The following DOCK1 variants were observed in gnomAD, a reference collection of about 807,000 sequenced individuals.
The protein encoded by DOCK1 is dedicator of cytokinesis protein 1.
In DOCK1, 138 loss-of-function variants were observed where a neutral mutation model predicts 262.7. The observed-to-expected ratio is 0.53, with a 90% CI of 0.46 to 0.61. DOCK1 has a LOEUF of 0.61. DOCK1 is among the 20% of genes least tolerant of loss of function. The pLI is 0.00. For synonymous variants in DOCK1, 866 were observed against 867.4 expected (o/e 1.00, Z 0.03); for missense variants, 1,908 against 2,370.7 (o/e 0.80, Z 4.05).
At position 127,046,757 on chromosome 10, in the gene DOCK1, C is replaced by CAAA. The variant is rs5788823; in HGVS notation, c.2201+3614_2201+3616dup. Among the ~76,000 whole-genome samples, 549 of 73,312 alleles carry CAAA rather than the reference C, an allele frequency of 7.5e-3. 14 individuals are homozygous for CAAA. Among genetic ancestry groups the CAAA allele is most frequent in the African/African-American group, 0.027 (490 of 18,256 alleles). The allele number at this position is 73,312 out of a possible 152,430, so 48.1% of individuals were successfully genotyped here. A position where few individuals can be genotyped will look rare whatever the true frequency, so the allele number is the denominator to read the frequency against. ...GCCTGGGCAGAGCGACACTACGTCT[C>CAAA]AAAAAAAAAAAAAAAAAAAAAAAGA... On this transcript the variant is annotated intron_variant, in intron 21 of 51. Transcript: ENST00000623213.
intron 38 of DOCK1, among the ~76,000 whole-genome samples, chr10:127,395,353 G>A (rs528902822): frequency 1.9e-4 from 29 of 152,218 alleles, no homozygotes; most frequent in Non-Finnish European, 3.7e-4. Flanking sequence ...GTGTGGCGGC[G>A]CTCTTCCGGG....
At chr10:127,049,427 A>G (rs2044565142) in intron 21 of DOCK1, among the ~76,000 whole-genome samples, 1 of 152,124 alleles carries the variant, frequency 6.6e-6, no homozygotes, top group Admixed American at 6.6e-5. Flanking sequence ...AGGCTGAGGC[A>G]GTAGAATCTC....
intron 27 of DOCK1, among the ~76,000 whole-genome samples, chr10:127,143,396 T>C (rs1376907174): frequency 1.3e-5 from 2 of 152,194 alleles, no homozygotes; most frequent in African/African-American, 4.8e-5. Context: ...GTGCTAACCG[T>C]GGCTCTGTGC....
intron 1 of DOCK1, among the ~76,000 whole-genome samples, chr10:126,918,045 A>G (rs1289529855): frequency 2.6e-5 from 4 of 152,148 alleles, no homozygotes; most frequent in Non-Finnish European, 2.9e-5. Flanking sequence ...GCTGCCTGCA[A>G]AGTGACCTGC....
chr10:126,944,528 A>T (rs1047456382), intron 1 of DOCK1, among the ~76,000 whole-genome samples: 1 of 152,122 alleles, frequency 6.6e-6, no homozygotes, highest in African/African-American at 2.4e-5. Context: ...AGTGAGGAGA[A>T]GCTGAGGAGC....
rs762625669 is a variant in DOCK1 at position 127,127,737 on chromosome 10, T to C, written c.2820T>C (p.Ile940=). The C allele has an allele frequency of 3.1e-6, 5 of 1,613,250 alleles. No homozygotes were observed. In the East Asian group the frequency reaches 8.9e-5, roughly 29 times the overall value. ...KLLRTVNRTV[I]SMGRDSELIG... ...TCCGGACCGTGAACCGAACCGTCAT[T>C]TCCATGGGACGAGATTCTGAACTCA... The change falls in exon 27 of 52, where the codon ATT becomes ATC. Residue 940 remains isoleucine (I), a synonymous_variant. Transcript: ENST00000623213.
chr10:127,135,116 C>A (rs756475365), intron 27 of DOCK1, among the ~76,000 whole-genome samples: 1 of 152,192 alleles, frequency 6.6e-6, no homozygotes, highest in Non-Finnish European at 1.5e-5. Flanking sequence ...TTAGCCATTT[C>A]TTCTGAGGTT....
rs2070385458 is a variant in DOCK1, at chr10:127,444,294, C to T, written c.5413+15C>T. On this transcript the variant is annotated intron_variant, in intron 50 of 51. Coordinates refer to ENST00000623213, the MANE Select transcript of DOCK1 (RefSeq NM_001290223.2). ...CATGCAGTCGAGTAAGTGGAACGCT[C>T]CCCACATACGAATCGTGCTATAGCT... 2 of 1,585,178 alleles carry T rather than the reference C, an allele frequency of 1.3e-6. No individual in the cohort carries two copies. Among genetic ancestry groups the T allele is most frequent in the South Asian group, 1.2e-5 (1 of 86,218 alleles).
intron 27 of DOCK1, among the ~76,000 whole-genome samples, chr10:127,157,701 G>GT (rs1221787966): frequency 3.3e-5 from 5 of 152,174 alleles, no homozygotes. Flanking sequence ...TGGTCTGTCA[G>GT]TTTCTAAATA....
intron 23 of DOCK1, among the ~76,000 whole-genome samples, chr10:127,082,751 C>T (rs978521007): frequency 3.3e-5 from 5 of 152,148 alleles, no homozygotes; most frequent in Admixed American, 2.0e-4. Context: ...GAGACAGAAC[C>T]TGTCCCTGGG....
intron 27 of DOCK1, among the ~76,000 whole-genome samples, chr10:127,236,890 C>T (rs999918092): frequency 1.3e-5 from 2 of 151,944 alleles, no homozygotes; most frequent in Non-Finnish European, 2.9e-5. Context: ...AATCATGATC[C>T]GAGTTTTACA....
intron 27 of DOCK1, among the ~76,000 whole-genome samples, chr10:127,234,690 C>G (rs1590056999): frequency 6.6e-6 from 1 of 152,060 alleles, no homozygotes; most frequent in East Asian, 1.9e-4. Flanking sequence ...CAGGAATACT[C>G]AAGAAAAATG....
chr10:127,246,628 G>A (rs2059439310), intron 27 of DOCK1, among the ~76,000 whole-genome samples: 1 of 152,030 alleles, frequency 6.6e-6, no homozygotes, highest in Non-Finnish European at 1.5e-5. Context: ...TATATTTCTG[G>A]GCAAATGGAA....
rs913705601 is a variant in DOCK1, at chr10:127,257,732, C to T, written c.3044+303C>T. On this transcript the variant is annotated intron_variant, in intron 29 of 51. Transcript: ENST00000623213. ...AGGGGTTCTGCTCGACGTCGCTCTGCGCTCTCATGTTACCCACATATTTGT... is the reference window on the plus strand; with the variant it reads ...AGGGGTTCTGCTCGACGTCGCTCTGTGCTCTCATGTTACCCACATATTTGT... 3.3e-5 allele frequency: 8 copies of T among 239,100 alleles called. 1 individual carries two copies. The highest frequency in any genetic ancestry group is 2.3e-4 in the South Asian group (2 of 8,518). The allele number at this position is 239,100 out of a possible 1,614,324, so 14.8% of individuals were successfully genotyped here. A position where few individuals can be genotyped will look rare whatever the true frequency, so the allele number is the denominator to read the frequency against.
chr10:127,195,782 A>G (rs567963600), intron 27 of DOCK1, among the ~76,000 whole-genome samples: 2 of 152,222 alleles, frequency 1.3e-5, no homozygotes, highest in East Asian at 3.9e-4. Flanking sequence ...ATGCAGTTGC[A>G]TAACCTTGCC....
intron 4 of DOCK1, 24 bp from the exon 5 acceptor site, chr10:126,987,497 T>G: frequency 1.3e-6 from 2 of 1,558,416 alleles, no homozygotes; most frequent in Non-Finnish European, 1.7e-6. Context: ...TGGACTCAGC[T>G]GCTCTTTCCT....
At chr10:127,268,667 G>A (rs2060460562) in intron 29 of DOCK1, among the ~76,000 whole-genome samples, 1 of 152,136 alleles carries the variant, frequency 6.6e-6, no homozygotes, top group African/African-American at 2.4e-5. Flanking sequence ...GCTAGCTGCT[G>A]AAGATAGGAC....
At chr10:127,090,481 A>G (rs1381201775) in intron 23 of DOCK1, among the ~76,000 whole-genome samples, 3 of 151,584 alleles carry the variant, frequency 2.0e-5, no homozygotes, top group African/African-American at 4.8e-5. Flanking sequence ...TTTTCCTGTT[A>G]ATAATTTATT....
At chr10:127,421,321 C>T (rs776404574) in intron 46 of DOCK1, among the ~76,000 whole-genome samples, 6 of 152,078 alleles carry the variant, frequency 3.9e-5, no homozygotes, top group Non-Finnish European at 5.9e-5. Context: ...CAAGGCTGAG[C>T]TTTGGTTGTG....
Sources: gnomAD v4.1 joint callset for allele counts (sites outside exome capture counted in the v4.1 genomes callset) on GRCh38, gnomAD v4.1.1 for gene constraint, MANE v1.5 for transcripts, NCBI Gene and HGNC (gene_info 2026-07-23, HGNC 2026-07-21) for gene names.